CCDC171: variants seen among roughly 807,000 people sequenced by gnomAD.
CCDC171 encodes coiled-coil domain-containing protein 171.
CCDC171 carries 177 observed loss-of-function variants against 168.2 expected under a neutral mutation model. The observed-to-expected ratio is 1.05, with a 90% CI of 0.93 to 1.19. The LOEUF (loss-of-function observed/expected upper bound fraction) is 1.19, where lower values mean the gene tolerates loss of function less well. CCDC171 is among the 50% of genes most tolerant of loss of function. The pLI is 0.00. For synonymous variants in CCDC171, 687 were observed against 540.8 expected (o/e 1.27, Z -3.75); for missense variants, 1,991 against 1,539.0 (o/e 1.29, Z -4.91).
chr9:15,672,321 C>T (rs932491825), intron 9 of CCDC171, among the ~76,000 whole-genome samples: 3 of 151,998 alleles, frequency 2.0e-5, no homozygotes, highest in Admixed American at 6.6e-5. Context: ...TCTGATGATA[C>T]TTTCTTTTGC....
intron 11 of CCDC171, among the ~76,000 whole-genome samples, chr9:15,719,345 G>A (rs1406253922): frequency 7.6e-6 from 1 of 132,144 alleles, no homozygotes; most frequent in Non-Finnish European, 1.6e-5. Flanking sequence ...TTAGAAAATA[G>A]TCTCAAAAGG....
At chr9:16,108,918 T>C in the CCDC171 span, among the ~76,000 whole-genome samples, 1 of 152,072 alleles carries the variant, frequency 6.6e-6, no homozygotes, top group Non-Finnish European at 1.5e-5. Flanking sequence ...AAAGGAACAA[T>C]GTAACAATAA....
At chr9:15,901,890 TA>T (rs1244677933) in intron 24 of CCDC171, among the ~76,000 whole-genome samples, 6 of 152,212 alleles carry the variant, frequency 3.9e-5, no homozygotes, top group African/African-American at 1.4e-4. Flanking sequence ...GTACAGTCTT[TA>T]TAATAGTTTA....
intron 8 of CCDC171, among the ~76,000 whole-genome samples, chr9:15,664,227 T>C (rs2048546510): frequency 6.6e-6 from 1 of 152,102 alleles, no homozygotes; most frequent in Non-Finnish European, 1.5e-5. Context: ...TATATCCAGG[T>C]AACAAAACTA....
At chr9:15,627,000 T>C (rs2045191898) in intron 7 of CCDC171, among the ~76,000 whole-genome samples, 1 of 152,236 alleles carries the variant, frequency 6.6e-6, no homozygotes, top group Non-Finnish European at 1.5e-5. Context: ...CAGAGCCTGT[T>C]ATTGGTCTAT....
chr9:15,770,946 G>T (rs930381816), intron 18 of CCDC171, among the ~76,000 whole-genome samples: 33 of 151,876 alleles, frequency 2.2e-4, no homozygotes, highest in Non-Finnish European at 4.4e-4. Flanking sequence ...TTACATGAGG[G>T]AATCATATAA....
downstream of CCDC171, among the ~76,000 whole-genome samples, chr9:16,062,315 C>T (rs188873315): frequency 6.6e-6 from 1 of 152,268 alleles, no homozygotes; most frequent in African/African-American, 2.4e-5. Context: ...AAACCAAGTA[C>T]TGCATGTTCT....
At chr9:16,059,977 GA>G (rs1564139886) in intron 1 of CCDC171, among the ~76,000 whole-genome samples, 1 of 151,960 alleles carries the variant, frequency 6.6e-6, no homozygotes, top group Non-Finnish European at 1.5e-5. Context: ...TCTGCTGTGT[GA>G]AAAACAAATA....
At chr9:15,878,808 G>A (rs1480827795) in intron 24 of CCDC171, among the ~76,000 whole-genome samples, 3 of 152,088 alleles carry the variant, frequency 2.0e-5, no homozygotes, top group African/African-American at 4.8e-5. Flanking sequence ...TAAAAAGAAC[G>A]AGATCATGTT....
chr9:15,957,626 T>G (rs958234268), intron 25 of CCDC171, among the ~76,000 whole-genome samples: 3 of 152,220 alleles, frequency 2.0e-5, no homozygotes, highest in African/African-American at 7.2e-5. Flanking sequence ...AAGGAAACTT[T>G]GAAGGTTTAC....
chr9:15,822,758 A>G (rs1233430654), intron 21 of CCDC171, among the ~76,000 whole-genome samples: 1 of 152,182 alleles, frequency 6.6e-6, no homozygotes, highest in Non-Finnish European at 1.5e-5. Flanking sequence ...TAGTTCAACC[A>G]TTGTGGAAGT....
intron 7 of CCDC171, among the ~76,000 whole-genome samples, chr9:15,625,163 GT>G (rs2044953356): frequency 6.6e-6 from 1 of 152,064 alleles, no homozygotes; most frequent in African/African-American, 2.4e-5. Context: ...TGATGGGGTT[GT>G]TTGATTTTTT....
chr9:15,822,291 A>C (rs1464820534), intron 21 of CCDC171, among the ~76,000 whole-genome samples: 1 of 152,126 alleles, frequency 6.6e-6, no homozygotes, highest in Non-Finnish European at 1.5e-5. Flanking sequence ...TTCATGTCTA[A>C]AACACCGAAG....
intron 18 of CCDC171, 151 bp downstream of exon 18, chr9:15,745,782 G>A: frequency 2.3e-6 from 1 of 434,572 alleles, no homozygotes; most frequent in Non-Finnish European, 4.0e-6. Flanking sequence ...TGTTAACTCT[G>A]TACTTAATGA....
At position 15,727,861 on chromosome 9, in the gene CCDC171, T is replaced by C. The variant is rs78934999; in HGVS notation, c.1693-8T>C. 1 of 1,594,748 alleles carries C rather than the reference T, an allele frequency of 6.3e-7. No homozygotes were observed. Among genetic ancestry groups the C allele is most frequent in the Non-Finnish European group, 8.5e-7 (1 of 1,172,822 alleles). On this transcript the variant is annotated splice_polypyrimidine_tract_variant and splice_region_variant and intron_variant, in intron 14 of 25. Transcript: ENST00000380701. The stretch of plus-strand genomic sequence containing the variant: ...CAGCAATTAATTTTTCTTTTTTTTT[T>C]CCTGCAGGAGAAGCTAACCTTCCTT...
At chr9:15,591,070 T>C (rs1486491956) in intron 4 of CCDC171, among the ~76,000 whole-genome samples, 1 of 151,968 alleles carries the variant, frequency 6.6e-6, no homozygotes, top group East Asian at 1.9e-4. Flanking sequence ...GTGCTAGAAG[T>C]GCACCTAAAC....
rs754558002 is a variant in CCDC171, at chr9:15,571,675, G to T, written c.93G>T (p.Glu31Asp). Residue 31 changes from glutamate to aspartate, a missense_variant, in exon 3 of 26, where the codon GAG becomes GAT. By Grantham distance (45) the Glu-to-Asp change is conservative. Transcript: ENST00000380701. ...DVKQILKNETELDITDNLRKK... is the reference protein window; with the variant it reads ...DVKQILKNETDLDITDNLRKK... ...AACAAATACTTAAAAATGAAACAGA[G>T]TTGGATATTACTGATAATCTCAGGA... The T allele has an allele frequency of 5.1e-6, 8 of 1,574,826 alleles. No homozygotes were observed. The highest frequency in any genetic ancestry group is 6.9e-6 in the Non-Finnish European group (8 of 1,166,776).
intron 3 of CCDC171, among the ~76,000 whole-genome samples, chr9:16,006,081 C>T (rs776793466): frequency 1.1e-4 from 16 of 151,992 alleles, no homozygotes; most frequent in Non-Finnish European, 2.4e-4. Context: ...AGGCTGGTCT[C>T]GAACTCCTGA....
At position 15,816,169 on chromosome 9, in the gene CCDC171, A is replaced by G. The variant is rs1187264717; in HGVS notation, c.3268-30533A>G. Among the ~76,000 whole-genome samples, 2 of 117,968 alleles carry G rather than the reference A, an allele frequency of 1.7e-5. 1 individual carries two copies. The allele number at this position is 117,968 out of a possible 152,430, so 77.4% of individuals were successfully genotyped here. A position where few individuals can be genotyped will look rare whatever the true frequency, so the allele number is the denominator to read the frequency against. ...TTTTAAAAACGTTTTTTCATGTTCA[A>G]ATTTGTCCTCAATGAGTCATAATTT... On this transcript the variant is annotated intron_variant, in intron 21 of 25. Transcript: ENST00000380701.
Sources: gnomAD v4.1 joint callset for allele counts (sites outside exome capture counted in the v4.1 genomes callset) on GRCh38, gnomAD v4.1.1 for gene constraint, MANE v1.5 for transcripts, NCBI Gene and HGNC (gene_info 2026-07-23, HGNC 2026-07-21) for gene names.